Variants in KCNMA1 observed in about 807,000 individuals in gnomAD.
KCNMA1 encodes potassium calcium-activated channel subfamily M alpha 1.
A neutral mutation model predicts 140.0 loss-of-function variants in KCNMA1; 29 were observed. The ratio of observed to expected loss-of-function variants is 0.21; its 90% CI spans 0.15 to 0.28. KCNMA1 has a LOEUF of 0.28. Among genes scored for constraint, KCNMA1 ranks in the 10% least tolerant of loss-of-function variants. KCNMA1 has a pLI of 1.00. For missense variants in KCNMA1, 880 were observed against 1,602.2 expected (o/e 0.55, Z 7.70); for synonymous variants, 612 against 611.9 (o/e 1.00, Z 0.00).
Position 77,001,475 on chromosome 10 carries a change from T to A in KCNMA1, c.2198A>T (p.Asp733Val), listed in dbSNP as rs758428003. The A allele has an allele frequency of 6.4e-7, 1 of 1,551,916 alleles. No individual in the cohort carries two copies. The highest frequency in any genetic ancestry group is 1.2e-5 in the South Asian group (1 of 84,060). The part of the protein sequence containing the change: ...CMSGRVRGNV[D>V]TLERAFPLSS... Reference sequence around the variant, plus strand: ...AAGTGGGAAGGCTCTCTCAAGGGTGTCCACGTTACCACGCACACGGCCTGA... The same window carrying A: ...AAGTGGGAAGGCTCTCTCAAGGGTGACCACGTTACCACGCACACGGCCTGA... The change falls in exon 19 of 28, where the codon GAC becomes GTC. Residue 733 changes from aspartate to valine, a missense_variant. This residue lies in a region of KCNMA1 where 196 missense variants were observed against 233.0 expected (regional missense o/e 0.84). Transcript: ENST00000286628.
At chr10:77,157,555 T>C (rs2098503122) in intron 5 of KCNMA1, among the ~76,000 whole-genome samples, 1 of 152,174 alleles carries the variant, frequency 6.6e-6, no homozygotes, top group African/African-American at 2.4e-5. Flanking sequence ...AAAATAATTA[T>C]TTTGAAAATA....
At chr10:77,039,459 AG>A (rs1379812990) in intron 15 of KCNMA1, 68 bp downstream of exon 15, 1 of 901,242 alleles carries the variant, frequency 1.1e-6, no homozygotes, top group East Asian at 2.4e-5. Context: ...CAGAGGTGGG[AG>A]GCTTCCTTGC....
intron 18 of KCNMA1, among the ~76,000 whole-genome samples, chr10:77,007,214 G>A (rs12246819): frequency 0.06 from 9,180 of 152,244 alleles, 392 homozygotes; most frequent in Non-Finnish European, 0.084. Flanking sequence ...TAGAGGTTCA[G>A]ACACTTGTAT....
intron 2 of KCNMA1, among the ~76,000 whole-genome samples, chr10:77,308,103 G>A (rs1303616722): frequency 6.6e-6 from 1 of 152,184 alleles, no homozygotes; most frequent in Non-Finnish European, 1.5e-5. Context: ...ATCAGAGAAA[G>A]AAGTGAATTG....
intron 5 of KCNMA1, among the ~76,000 whole-genome samples, chr10:77,170,206 A>C (rs1374518248): frequency 6.6e-6 from 1 of 152,074 alleles, no homozygotes; most frequent in African/African-American, 2.4e-5. Context: ...TAATAATAAA[A>C]ATAAATTTAA....
In KCNMA1 at chr10:76,970,412, T is replaced by G. The variant is rs549622389; in HGVS notation, c.2267-345A>C. ...CATTATTCTTAGAGTTAATTTTGGT[T>G]ACTTTGCTTTGCCCAGTAATAGACT... is the stretch of plus-strand genomic sequence containing the variant. On this transcript the variant is annotated intron_variant, in intron 19 of 27. Transcript: ENST00000286628. 3 of 286,902 alleles carry G rather than the reference T, an allele frequency of 1.0e-5. No individual in the cohort carries two copies. In the South Asian group the frequency reaches 1.1e-4, roughly 11 times the overall value. 17.8% of individuals were successfully genotyped at this position (286,902 alleles called of 1,614,324 possible).
chr10:77,232,059 T>C (rs956160675), intron 3 of KCNMA1, among the ~76,000 whole-genome samples: 13 of 152,352 alleles, frequency 8.5e-5, no homozygotes, highest in African/African-American at 2.9e-4. Context: ...GACTAGTTTC[T>C]TCCACTTAGC....
intron 2 of KCNMA1, among the ~76,000 whole-genome samples, chr10:77,261,313 A>T (rs992536994): frequency 6.6e-6 from 1 of 152,178 alleles, no homozygotes; most frequent in Non-Finnish European, 1.5e-5. Flanking sequence ...ATGCAGATAG[A>T]CACAGTGTCT....
intron 1 of KCNMA1, among the ~76,000 whole-genome samples, chr10:77,461,778 C>A (rs2097873843): frequency 6.6e-6 from 1 of 152,190 alleles, no homozygotes; most frequent in Non-Finnish European, 1.5e-5. Flanking sequence ...ACCCTGTGTG[C>A]TTTGTCTTCC....
intron 5 of KCNMA1, among the ~76,000 whole-genome samples, chr10:77,127,216 T>C (rs1367164474): frequency 1.3e-5 from 2 of 151,854 alleles, no homozygotes; most frequent in Non-Finnish European, 2.9e-5. Flanking sequence ...TCTAGTATGT[T>C]TATTTACTTA....
intron 5 of KCNMA1, among the ~76,000 whole-genome samples, chr10:77,179,114 C>T (rs566930394): frequency 1.5e-3 from 223 of 152,298 alleles, no homozygotes; most frequent in Non-Finnish European, 2.4e-3. Flanking sequence ...GTATGAAGTA[C>T]GTGCTGTGCT....
chr10:77,023,622 T>C (rs1488766758), intron 16 of KCNMA1, among the ~76,000 whole-genome samples: 2 of 152,192 alleles, frequency 1.3e-5, no homozygotes, highest in African/African-American at 4.8e-5. Flanking sequence ...TGACTCTCAG[T>C]TGGAACTTTG....
chr10:77,513,978 C>G (rs1055271549), intron 1 of KCNMA1, among the ~76,000 whole-genome samples: 1 of 152,218 alleles, frequency 6.6e-6, no homozygotes, highest in Non-Finnish European at 1.5e-5. Flanking sequence ...CTCCAGCGGG[C>G]GGGACTGTGA....
chr10:77,626,472 G>A (rs1287177991), intron 1 of KCNMA1, among the ~76,000 whole-genome samples: 1 of 152,148 alleles, frequency 6.6e-6, no homozygotes, highest in Admixed American at 6.5e-5. Flanking sequence ...AAAATCCCTA[G>A]CACTTGGGTA....
chr10:77,383,702 T>TA (rs1260514058), intron 2 of KCNMA1, among the ~76,000 whole-genome samples: 5 of 152,186 alleles, frequency 3.3e-5, no homozygotes, highest in African/African-American at 1.2e-4. Flanking sequence ...AATTTCCACT[T>TA]ACAGCATTGT....
At chr10:77,433,805 T>C (rs186007200) in intron 1 of KCNMA1, 1 of 152,252 alleles carries the variant, frequency 6.6e-6, no homozygotes, top group East Asian at 1.9e-4. Flanking sequence ...GCTCAAAAGG[T>C]ATGTCAGCCT....
At chr10:77,249,032 C>A (rs1047368094) in intron 3 of KCNMA1, among the ~76,000 whole-genome samples, 1 of 152,180 alleles carries the variant, frequency 6.6e-6, no homozygotes, top group African/African-American at 2.4e-5. Flanking sequence ...CCTTGCTATG[C>A]CAAATCACAC....
intron 24 of KCNMA1, chr10:76,914,704 A>G (rs2051982585): frequency 2.2e-6 from 1 of 460,634 alleles, no homozygotes; most frequent in Non-Finnish European, 4.0e-6. Context: ...TCCTTTGAAA[A>G]CAGTGACCAG....
At chr10:77,020,403 AC>A (rs2092700350) in intron 16 of KCNMA1, 1 of 152,160 alleles carries the variant, frequency 6.6e-6, no homozygotes, top group Non-Finnish European at 1.5e-5. Flanking sequence ...AAGAACATCT[AC>A]CATTACTTAT....
Sources: gnomAD v4.1 joint callset for allele counts (sites outside exome capture counted in the v4.1 genomes callset) on GRCh38, gnomAD v4.1.1 for gene constraint, gnomAD v4.1.1 regional missense constraint, MANE v1.5 for transcripts, NCBI Gene and HGNC (gene_info 2026-07-23, HGNC 2026-07-21) for gene names.